Variants in C19orf85 observed in about 807,000 individuals in gnomAD.
The protein encoded by C19orf85 is chromosome 19 open reading frame 85, also known as uncharacterized protein C19orf85.
Position 55,464,736 on chromosome 19 carries a change from G to A in C19orf85, c.-182C>T, listed in dbSNP as rs1390200240. 7.6e-6 allele frequency: 3 copies of A among 396,178 alleles called. No individual in the cohort carries two copies. Among genetic ancestry groups the A allele is most frequent in the Non-Finnish European group, 1.3e-5 (3 of 225,080 alleles). The allele number at this position is 396,178 out of a possible 1,614,324, so 24.5% of individuals were successfully genotyped here. ...CTAACCCTGTCCCCACCTCCCAGGA[G>A]CCCGACCTGAAGTCTGAGGGAGCGG... On this transcript the variant is annotated 5_prime_UTR_variant, in exon 1 of 2. Transcript: ENST00000635964.
At position 55,463,342 on chromosome 19, in the gene C19orf85, G is replaced by C. The variant is rs1037471531; in HGVS notation, c.*130C>G. 11 of 398,182 alleles carry C rather than the reference G, an allele frequency of 2.8e-5. No homozygotes were observed. The highest frequency in any genetic ancestry group is 2.1e-4 in the African/African-American group (10 of 48,760). The allele number at this position is 398,182 out of a possible 1,614,324, so 24.7% of individuals were successfully genotyped here. A position where few individuals can be genotyped will look rare whatever the true frequency, so the allele number is the denominator to read the frequency against. On this transcript the variant is annotated 3_prime_UTR_variant, in exon 2 of 2. Transcript: ENST00000635964. The surrounding 1 kb of genome is among the most constrained non-coding windows in gnomAD (Gnocchi z 4.9). The stretch of plus-strand genomic sequence containing the variant: ...AGGCAGTGGTCTGAAGTGGGGGTCT[G>C]GGTTGGTTTATTTTCCCAGGGGCTG...
chr19:55,464,088 G>C, intron 1 of C19orf85, 121 bp from the exon 2 acceptor site: 2 of 397,970 alleles, frequency 5.0e-6, no homozygotes. Context: ...CAGCATATTT[G>C]CAAGGGTCAC....
rs971768850 is a variant in C19orf85 at position 55,463,545 on chromosome 19, A to G, written c.596T>C (p.Val199Ala). 1 of 398,464 alleles carries G rather than the reference A, an allele frequency of 2.5e-6. No individual in the cohort carries two copies. The highest frequency in any genetic ancestry group is 4.4e-6 in the Non-Finnish European group (1 of 226,072). 24.7% of individuals were successfully genotyped at this position (398,464 alleles called of 1,614,324 possible). A position where few individuals can be genotyped will look rare whatever the true frequency, so the allele number is the denominator to read the frequency against. ...GGCACGAGGCACCTCCCAGCAGTCCACCCAACCCCAGTCGGGAGCCACGAG... is the reference window on the plus strand; with the variant it reads ...GGCACGAGGCACCTCCCAGCAGTCCGCCCAACCCCAGTCGGGAGCCACGAG... The part of the protein sequence containing the change: ...ADLVAPDWGW[V>A]DCWEVPRAWD... Residue 199 changes from valine to alanine, a missense_variant, in exon 2 of 2, where the codon GTG becomes GCG. Val to Ala is a moderately conservative substitution (Grantham distance 64, BLOSUM62 0). Transcript: ENST00000635964. This position sits in a 1 kb window ranked among gnomAD's most constrained non-coding sequence, Gnocchi z 4.9.
At position 55,463,585 on chromosome 19, in the gene C19orf85, C is replaced by T. The variant is rs1333885937; in HGVS notation, c.556G>A (p.Gly186Arg). 2 of 398,522 alleles carry T rather than the reference C, an allele frequency of 5.0e-6. No individual in the cohort carries two copies. Among genetic ancestry groups the T allele is most frequent in the East Asian group, 7.1e-5 (2 of 28,074 alleles). 24.7% of individuals were successfully genotyped at this position (398,522 alleles called of 1,614,324 possible). The change falls in exon 2 of 2, where the codon GGG (glycine) becomes AGG (arginine). Residue 186 changes from glycine to arginine, a missense_variant. Gly to Arg is a moderately radical substitution (Grantham distance 125, BLOSUM62 -2). Transcript: ENST00000635964. The surrounding 1 kb of genome is among the most constrained non-coding windows in gnomAD (Gnocchi z 4.9). ...GGAGCCACGAGATCAGCCTCTTCCC[C>T]CAGGGCATGCTGGGGAAGGGGCAGG... Reference protein sequence around the residue: ...GPLPLPQHALGEEADLVAPDW... With the variant: ...GPLPLPQHALREEADLVAPDW...
Position 55,463,866 on chromosome 19 carries a change from G to A in C19orf85, c.275C>T (p.Pro92Leu), listed in dbSNP as rs576075657. ...QRPSLQKPPP[P>L]PPSPFLGVAC... ...CACTCCCAGGAAGGGGGATGGAGGCGGTGGGGGTGGCTTTTGGAGCGAGGG... is the reference window on the plus strand; with the variant it reads ...CACTCCCAGGAAGGGGGATGGAGGCAGTGGGGGTGGCTTTTGGAGCGAGGG... The change falls in exon 2 of 2, where the codon CCG becomes CTG. Residue 92 changes from proline (P) to leucine (L), a missense_variant. Pro to Leu is a moderately conservative substitution (Grantham distance 98, BLOSUM62 -3). Coordinates refer to ENST00000635964, the MANE Select transcript of C19orf85 (RefSeq NM_001386794.1). This position sits in a 1 kb window ranked among gnomAD's most constrained non-coding sequence, Gnocchi z 4.9. 6 of 399,052 alleles carry A rather than the reference G, an allele frequency of 1.5e-5. No homozygotes were observed. The highest frequency in any genetic ancestry group is 4.4e-5 in the Admixed American group (1 of 22,740). 24.7% of individuals were successfully genotyped at this position (399,052 alleles called of 1,614,324 possible). A position where few individuals can be genotyped will look rare whatever the true frequency, so the allele number is the denominator to read the frequency against.
In C19orf85 at chr19:55,463,836, C is replaced by T. The variant is rs1320879308; in HGVS notation, c.305G>A (p.Cys102Tyr). 2.5e-5 allele frequency: 10 copies of T among 398,988 alleles called. No individual in the cohort carries two copies. The highest frequency in any genetic ancestry group is 4.0e-5 in the Non-Finnish European group (9 of 226,442). The allele number at this position is 398,988 out of a possible 1,614,324, so 24.7% of individuals were successfully genotyped here. Residue 102 changes from cysteine (C) to tyrosine (Y), a missense_variant, in exon 2 of 2, where the codon TGT (cysteine) becomes TAT (tyrosine). Coordinates refer to ENST00000635964, the MANE Select transcript of C19orf85 (RefSeq NM_001386794.1). The surrounding 1 kb of genome is among the most constrained non-coding windows in gnomAD (Gnocchi z 4.9). ...PPPSPFLGVA[C>Y]AVAPTEAPHA... ...GGGAGCCTCAGTGGGGGCCACAGCA[C>T]AGGCCACTCCCAGGAAGGGGGATGG...
chr19:55,463,983 T>G lies in C19orf85; in HGVS notation c.174-16A>C, dbSNP rs1986314174. 4 of 398,222 alleles carry G rather than the reference T, an allele frequency of 1.0e-5. No homozygotes were observed. 24.7% of individuals were successfully genotyped at this position (398,222 alleles called of 1,614,324 possible). On this transcript the variant is annotated splice_polypyrimidine_tract_variant and intron_variant, in intron 1 of 1. Transcript: ENST00000635964. This position sits in a 1 kb window ranked among gnomAD's most constrained non-coding sequence, Gnocchi z 4.9. ...GGTGAACTGCCTGTAAAGACAGATGTGAGCAGGCTGGTCTCTAACGCCTGA... is the reference window on the plus strand; with the variant it reads ...GGTGAACTGCCTGTAAAGACAGATGGGAGCAGGCTGGTCTCTAACGCCTGA...
rs1404486673 is a variant in C19orf85 at position 55,463,951 on chromosome 19, C to G, written c.190G>C (p.Glu64Gln). 5.0e-6 allele frequency: 2 copies of G among 398,536 alleles called. No individual in the cohort carries two copies. The highest frequency in any genetic ancestry group is 4.1e-5 in the African/African-American group (2 of 48,586). The allele number at this position is 398,536 out of a possible 1,614,324, so 24.7% of individuals were successfully genotyped here. Residue 64 changes from glutamate to glutamine, a missense_variant, in exon 2 of 2, where the codon GAG becomes CAG. By Grantham distance (29) the Glu-to-Gln change is conservative. Coordinates refer to ENST00000635964, the MANE Select transcript of C19orf85 (RefSeq NM_001386794.1). The surrounding 1 kb of genome is among the most constrained non-coding windows in gnomAD (Gnocchi z 4.9). Reference sequence around the variant, plus strand: ...AGGGCCAGGCGCTGGGTGGCAGCCTCAATCTTGGTGAACTGCCTGTAAAGA... The same window carrying G: ...AGGGCCAGGCGCTGGGTGGCAGCCTGAATCTTGGTGAACTGCCTGTAAAGA... ...NQICRQFTKIEAATQRLALSI... is the reference protein window; with the variant it reads ...NQICRQFTKIQAATQRLALSI...
In C19orf85 at chr19:55,464,525, C is replaced by G. The variant is rs1170331930; in HGVS notation, c.30G>C (p.Gly10=). ...GCTCCCGGGGGCCGGGCTCGGAGAC[C>G]CCAGGGCCTTCGGGGACCCCGGGGT... MHPGVPEGP[G]VSEPGPRELC... Residue 10 remains glycine, a synonymous_variant, in exon 1 of 2, where the codon GGG becomes GGC. Coordinates refer to ENST00000635964, the MANE Select transcript of C19orf85 (RefSeq NM_001386794.1). 9 of 398,284 alleles carry G rather than the reference C, an allele frequency of 2.3e-5. No individual in the cohort carries two copies. The highest frequency in any genetic ancestry group is 3.5e-5 in the Non-Finnish European group (8 of 225,908). 24.7% of individuals were successfully genotyped at this position (398,284 alleles called of 1,614,324 possible). A position where few individuals can be genotyped will look rare whatever the true frequency, so the allele number is the denominator to read the frequency against.
chr19:55,463,741 G>T lies in C19orf85; in HGVS notation c.400C>A (p.Leu134Ile). ...GGCATTGAGGCACACTCTGGGGTGA[G>T]CGCAATGTTGTCAAAGAGGTCGAGG... The part of the protein sequence containing the change: ...STLDLFDNIA[L>I]TPECASMPWD... The change falls in exon 2 of 2, where the codon CTC becomes ATC. Residue 134 changes from leucine (L) to isoleucine (I), a missense_variant. Physicochemically the swap from Leu to Ile is conservative, Grantham distance 5 (BLOSUM62 2). Coordinates refer to ENST00000635964, the MANE Select transcript of C19orf85 (RefSeq NM_001386794.1). This position sits in a 1 kb window ranked among gnomAD's most constrained non-coding sequence, Gnocchi z 4.9. The T allele has an allele frequency of 2.5e-6, 1 of 398,882 alleles. No homozygotes were observed. The highest frequency in any genetic ancestry group is 4.4e-6 in the Non-Finnish European group (1 of 226,252). 24.7% of individuals were successfully genotyped at this position (398,882 alleles called of 1,614,324 possible).
chr19:55,463,012 ACT>A lies in C19orf85; in HGVS notation c.*458_*459del, dbSNP rs1476311222. 1 of 159,802 alleles carries A rather than the reference ACT, an allele frequency of 6.3e-6. No individual in the cohort carries two copies. The highest frequency in any genetic ancestry group is 1.4e-5 in the Non-Finnish European group (1 of 73,678). 9.9% of individuals were successfully genotyped at this position (159,802 alleles called of 1,614,324 possible). A position where few individuals can be genotyped will look rare whatever the true frequency, so the allele number is the denominator to read the frequency against. On this transcript the variant is annotated 3_prime_UTR_variant, in exon 2 of 2. Coordinates refer to ENST00000635964, the MANE Select transcript of C19orf85 (RefSeq NM_001386794.1). The surrounding 1 kb of genome is among the most constrained non-coding windows in gnomAD (Gnocchi z 4.9). The stretch of plus-strand genomic sequence containing the variant: ...TGCTTTTTGAAAAATGCATGGATAT[ACT>A]CTTTTATTGTCTGTTCCCCGCCAAA...
In C19orf85 at chr19:55,463,145, G is replaced by C. The variant is rs1451713398; in HGVS notation, c.*327C>G. The C allele has an allele frequency of 3.7e-6, 1 of 271,734 alleles. No individual in the cohort carries two copies. Among genetic ancestry groups the C allele is most frequent in the Non-Finnish European group, 6.9e-6 (1 of 145,670 alleles). The allele number at this position is 271,734 out of a possible 1,614,324, so 16.8% of individuals were successfully genotyped here. A position where few individuals can be genotyped will look rare whatever the true frequency, so the allele number is the denominator to read the frequency against. On this transcript the variant is annotated 3_prime_UTR_variant, in exon 2 of 2. Transcript: ENST00000635964. This position sits in a 1 kb window ranked among gnomAD's most constrained non-coding sequence, Gnocchi z 4.9. ...TAGACCTGGGCCTGGCCCATAGTAG[G>C]CGCTCGATACATCTTTGGGAATAAA...
At position 55,463,854 on chromosome 19, in the gene C19orf85, G is replaced by C. The variant is rs936259085; in HGVS notation, c.287C>G (p.Pro96Arg). The C allele has an allele frequency of 5.0e-6, 2 of 399,128 alleles. No homozygotes were observed. Among genetic ancestry groups the C allele is most frequent in the Admixed American group, 4.4e-5 (1 of 22,740 alleles). 24.7% of individuals were successfully genotyped at this position (399,128 alleles called of 1,614,324 possible). Residue 96 changes from proline (P) to arginine (R), a missense_variant, in exon 2 of 2, where the codon CCC becomes CGC. Pro to Arg is a moderately radical substitution (Grantham distance 103, BLOSUM62 -2). Coordinates refer to ENST00000635964, the MANE Select transcript of C19orf85 (RefSeq NM_001386794.1). The surrounding 1 kb of genome is among the most constrained non-coding windows in gnomAD (Gnocchi z 4.9). ...LQKPPPPPPS[P>R]FLGVACAVAP... The stretch of plus-strand genomic sequence containing the variant: ...CACAGCACAGGCCACTCCCAGGAAG[G>C]GGGATGGAGGCGGTGGGGGTGGCTT...
chr19:55,463,060 CAG>C lies in C19orf85; in HGVS notation c.*410_*411del. 5.3e-6 allele frequency: 1 copy of C among 187,952 alleles called. No individual in the cohort carries two copies. Among genetic ancestry groups the C allele is most frequent in the Non-Finnish European group, 1.1e-5 (1 of 92,438 alleles). 11.6% of individuals were successfully genotyped at this position (187,952 alleles called of 1,614,324 possible). On this transcript the variant is annotated 3_prime_UTR_variant, in exon 2 of 2. Coordinates refer to ENST00000635964, the MANE Select transcript of C19orf85 (RefSeq NM_001386794.1). The surrounding 1 kb of genome is among the most constrained non-coding windows in gnomAD (Gnocchi z 4.9). ...CCAAAACACACACATGCACACAGAA[CAG>C]GGAGCTCCCTGAGGCAGGGGTCCCG...
In C19orf85 at chr19:55,463,546, C is replaced by T. The variant is rs533398612; in HGVS notation, c.595G>A (p.Val199Met). ...GCACGAGGCACCTCCCAGCAGTCCA[C>T]CCAACCCCAGTCGGGAGCCACGAGA... Reference protein sequence around the residue: ...ADLVAPDWGWVDCWEVPRAWD... With the variant: ...ADLVAPDWGWMDCWEVPRAWD... Residue 199 changes from valine (V) to methionine (M), a missense_variant, in exon 2 of 2, where the codon GTG (valine) becomes ATG (methionine). Val to Met is a conservative substitution (Grantham distance 21, BLOSUM62 1). Transcript: ENST00000635964. The surrounding 1 kb of genome is among the most constrained non-coding windows in gnomAD (Gnocchi z 4.9). 48 of 398,644 alleles carry T rather than the reference C, an allele frequency of 1.2e-4. No individual in the cohort carries two copies. The highest frequency in any genetic ancestry group is 1.1e-3 in the East Asian group (30 of 28,058). The allele number at this position is 398,644 out of a possible 1,614,324, so 24.7% of individuals were successfully genotyped here.
In C19orf85 at chr19:55,464,625, A is replaced by T. The variant is rs367730544; in HGVS notation, c.-71T>A. The T allele has an allele frequency of 7.1e-4, 284 of 398,022 alleles. 2 individuals carry two copies. In the East Asian group the frequency reaches 9.3e-3, roughly 13 times the overall value. The allele number at this position is 398,022 out of a possible 1,614,324, so 24.7% of individuals were successfully genotyped here. ...GCACCCCCCAAATCTGTGAGCAGGG[A>T]GGGGCAGGGGACTCTGGAGGCCCAG... On this transcript the variant is annotated 5_prime_UTR_variant, in exon 1 of 2. Transcript: ENST00000635964.
In C19orf85 at chr19:55,463,058, A is replaced by G; in HGVS notation, c.*414T>C. On this transcript the variant is annotated 3_prime_UTR_variant, in exon 2 of 2. Transcript: ENST00000635964. This position sits in a 1 kb window ranked among gnomAD's most constrained non-coding sequence, Gnocchi z 4.9. Reference sequence around the variant, plus strand: ...CGCCAAAACACACACATGCACACAGAACAGGGAGCTCCCTGAGGCAGGGGT... The same window carrying G: ...CGCCAAAACACACACATGCACACAGGACAGGGAGCTCCCTGAGGCAGGGGT... The G allele has an allele frequency of 5.4e-6, 1 of 186,780 alleles. No homozygotes were observed. Among genetic ancestry groups the G allele is most frequent in the Non-Finnish European group, 1.1e-5 (1 of 91,594 alleles). The allele number at this position is 186,780 out of a possible 1,614,324, so 11.6% of individuals were successfully genotyped here.
At position 55,463,971 on chromosome 19, in the gene C19orf85, T is replaced by A; in HGVS notation, c.174-4A>T. 2.5e-6 allele frequency: 1 copy of A among 398,644 alleles called. No homozygotes were observed. The highest frequency in any genetic ancestry group is 4.4e-6 in the Non-Finnish European group (1 of 226,176). The allele number at this position is 398,644 out of a possible 1,614,324, so 24.7% of individuals were successfully genotyped here. On this transcript the variant is annotated splice_polypyrimidine_tract_variant and splice_region_variant and intron_variant, in intron 1 of 1. Coordinates refer to ENST00000635964, the MANE Select transcript of C19orf85 (RefSeq NM_001386794.1). The surrounding 1 kb of genome is among the most constrained non-coding windows in gnomAD (Gnocchi z 4.9). The stretch of plus-strand genomic sequence containing the variant: ...AGCCTCAATCTTGGTGAACTGCCTG[T>A]AAAGACAGATGTGAGCAGGCTGGTC...
In C19orf85 at chr19:55,463,780, G is replaced by C. The variant is rs1986309310; in HGVS notation, c.361C>G (p.Leu121Val). The change falls in exon 2 of 2, where the codon CTG becomes GTG. Residue 121 changes from leucine (L) to valine (V), a missense_variant. Coordinates refer to ENST00000635964, the MANE Select transcript of C19orf85 (RefSeq NM_001386794.1). The surrounding 1 kb of genome is among the most constrained non-coding windows in gnomAD (Gnocchi z 4.9). ...AAGAGGTCGAGGGTAGAGGTGTCCA[G>C]GGCAGCGAGACTCAGGCTGGCGCTG... ...HASASLSLAA[L>V]DTSTLDLFDN... 3 of 398,958 alleles carry C rather than the reference G, an allele frequency of 7.5e-6. No homozygotes were observed. The highest frequency in any genetic ancestry group is 6.3e-4 in the Middle Eastern group (1 of 1,590). The allele number at this position is 398,958 out of a possible 1,614,324, so 24.7% of individuals were successfully genotyped here.
Sources: gnomAD v4.1 joint callset for allele counts on GRCh38, gnomAD v4.1.1 for gene constraint, Gnocchi (gnomAD v3.1) non-coding constraint, MANE v1.5 for transcripts, NCBI Gene and HGNC (gene_info 2026-07-23, HGNC 2026-07-21) for gene names.